The following RSPH10B2 variants were observed in gnomAD, a reference collection of about 807,000 sequenced individuals.
RSPH10B2 encodes the protein radial spoke head 10 homolog B2.
In RSPH10B2, 9 loss-of-function variants were observed where a neutral mutation model predicts 49.0. The observed-to-expected ratio is 0.18, with a 90% confidence interval of 0.11 to 0.32. The LOEUF (loss-of-function observed/expected upper bound fraction) is 0.32, where lower values mean the gene tolerates loss of function less well. Among genes scored for constraint, RSPH10B2 ranks in the 10% least tolerant of loss-of-function variants. RSPH10B2 has a pLI of 1.00. For missense variants in RSPH10B2, 95 were observed against 589.9 expected, an observed-to-expected ratio of 0.16 and a Z score of 8.69; for synonymous variants, 35 against 210.2, an observed-to-expected ratio of 0.17 and a Z score of 7.21.
intron 13 of RSPH10B2, among the ~76,000 whole-genome samples, chr7:6,784,796 G>A (rs1782081209): frequency 8.6e-6 from 1 of 116,754 alleles, no homozygotes; most frequent in South Asian, 3.7e-4. Flanking sequence ...TGGATCTCTT[G>A]ACCTCGTGAG....
At chr7:6,756,096 G>A (rs868514901), upstream of RSPH10B2, among the ~76,000 whole-genome samples, 174 of 150,186 alleles carry the variant, frequency 1.2e-3, 1 homozygote, top group East Asian at 3.3e-3. Context: ...GTGAAACCCC[G>A]TCTCTACTAA....
rs1233118034 is a variant in RSPH10B2 at position 6,790,153 on chromosome 7, TA to T, written c.2139+395del. 1.7e-4 allele frequency among the ~76,000 whole-genome samples: 17 copies of T among 97,392 alleles called. No homozygotes were observed. The South Asian group carries it at 9.0e-3, about 52-fold the overall frequency. 63.9% of individuals were successfully genotyped at this position (97,392 alleles called of 152,430 possible). A position where few individuals can be genotyped will look rare whatever the true frequency, so the allele number is the denominator to read the frequency against. On this transcript the variant is annotated intron_variant, in intron 16 of 18. Coordinates refer to ENST00000297186, the Ensembl canonical transcript of RSPH10B2. The stretch of plus-strand genomic sequence containing the variant: ...ACCGCAAGCTATGCTTCTTCCCACT[TA>T]CGAGGTCTAAGTGACAGGAAGGGCA...
intron 7 of RSPH10B2, among the ~76,000 whole-genome samples, chr7:6,769,400 C>T (rs1781556537): frequency 2.6e-5 from 1 of 39,002 alleles, no homozygotes; most frequent in East Asian, 3.5e-4. Context: ...GTAGAGTACA[C>T]ATGAGATTTC....
Position 6,787,051 on chromosome 7 carries a change from T to A in RSPH10B2, c.2010+30T>A, listed in dbSNP as rs200004084. Reference sequence around the variant, plus strand: ...CACATAATATCTTAGAATTAGGTAATCTTAGAATTACAGAGCAAGGAGGGC... The same window carrying A: ...CACATAATATCTTAGAATTAGGTAAACTTAGAATTACAGAGCAAGGAGGGC... On this transcript the variant is annotated intron_variant, in intron 15 of 18. Coordinates refer to ENST00000297186, the Ensembl canonical transcript of RSPH10B2. The A allele has an allele frequency of 2.2e-3, 1,350 of 604,660 alleles. 38 individuals carry two copies. The highest frequency in any genetic ancestry group is 3.2e-3 in the South Asian group (156 of 49,044). The allele number at this position is 604,660 out of a possible 1,614,324, so 37.5% of individuals were successfully genotyped here.
chr7:6,787,673 C>CT (rs1292117607), intron 15 of RSPH10B2, among the ~76,000 whole-genome samples: 756 of 25,104 alleles, frequency 0.03, 3 homozygotes, highest in Middle Eastern at 0.054. Context: ...CCAGCTAATT[C>CT]TTTTTTTTTT....
rs1364366189 is a variant in RSPH10B2, at chr7:6,786,444, T to C, written c.1866+388T>C. Among the ~76,000 whole-genome samples the C allele has an allele frequency of 2.7e-3, 303 of 114,290 alleles. 12 individuals carry two copies. Among genetic ancestry groups the C allele is most frequent in the African/African-American group, 0.011 (289 of 27,208 alleles). The allele number at this position is 114,290 out of a possible 152,430, so 75.0% of individuals were successfully genotyped here. ...CTCCTGACCTCGTGATCCACCTGCC[T>C]CGGCCTCCCAAAGTGCTGGGATTAC... On this transcript the variant is annotated intron_variant, in intron 14 of 18. Coordinates refer to ENST00000297186, the Ensembl canonical transcript of RSPH10B2.
chr7:6,785,784 C>CA (rs1301000743), intron 13 of RSPH10B2, among the ~76,000 whole-genome samples, 165 bp from the exon 16 acceptor site: 12 of 151,504 alleles, frequency 7.9e-5, no homozygotes, highest in Non-Finnish European at 1.6e-4. Context: ...GAGATTGCGC[C>CA]ACTGCCTAGC....
intron 13 of RSPH10B2, among the ~76,000 whole-genome samples, chr7:6,784,716 C>T (rs2115463833): frequency 7.6e-6 from 1 of 132,176 alleles, no homozygotes. Flanking sequence ...CAGGCACATG[C>T]CACCATGCCC....
At chr7:6,756,093 C>T (rs1485341964), upstream of RSPH10B2, among the ~76,000 whole-genome samples, 2 of 150,422 alleles carry the variant, frequency 1.3e-5, no homozygotes, top group East Asian at 1.9e-4. Flanking sequence ...CCGGTGAAAC[C>T]CCGTCTCTAC....
chr7:6,763,192 T>C (rs1408656152), intron 3 of RSPH10B2, among the ~76,000 whole-genome samples: 28 of 40,598 alleles, frequency 6.9e-4, no homozygotes, highest in Non-Finnish European at 8.4e-4. Flanking sequence ...TCTCAGCACT[T>C]TGGGAAGCCG....
intron 13 of RSPH10B2, among the ~76,000 whole-genome samples, chr7:6,781,783 G>A (rs1781942921): frequency 8.9e-6 from 1 of 112,228 alleles, no homozygotes; most frequent in African/African-American, 3.5e-5. Context: ...TTGAGAGGCC[G>A]AGGCGGGCGG....
At chr7:6,795,595 C>A (rs1287962366) in intron 17 of RSPH10B2, among the ~76,000 whole-genome samples, 5 of 121,596 alleles carry the variant, frequency 4.1e-5, no homozygotes, top group African/African-American at 1.5e-4. Context: ...CATAGCGAAA[C>A]CTTGTCTCTA....
chr7:6,793,846 A>T (rs1463583759), intron 17 of RSPH10B2, among the ~76,000 whole-genome samples: 1 of 150,388 alleles, frequency 6.6e-6, no homozygotes, highest in Non-Finnish European at 1.5e-5. Flanking sequence ...CATATCAAAA[A>T]AAAAAAAAGG....
At chr7:6,774,763 T>TTG (rs1296185545) in intron 9 of RSPH10B2, among the ~76,000 whole-genome samples, 1 of 148,824 alleles carries the variant, frequency 6.7e-6, no homozygotes, top group African/African-American at 2.5e-5. Context: ...TTGTTTTTTT[T>TTG]TTTTTCTTGT....
chr7:6,771,961 ACTG>A (rs1322630087), intron 8 of RSPH10B2, among the ~76,000 whole-genome samples: 3 of 148,012 alleles, frequency 2.0e-5, no homozygotes, highest in Non-Finnish European at 3.0e-5. Flanking sequence ...GTGAGCCCAG[ACTG>A]CACCATTGCA....
At chr7:6,794,108 T>C (rs1337588838) in intron 17 of RSPH10B2, 2 of 156,438 alleles carry the variant, frequency 1.3e-5, no homozygotes, top group African/African-American at 4.8e-5. Flanking sequence ...TGGGGGGCTG[T>C]GTACATGCTC....
chr7:6,764,207 CAGAAAGGGGGTGGGGT>C (rs1781361919), intron 4 of RSPH10B2, 106 bp downstream of exon 6: 1 of 165,116 alleles, frequency 6.1e-6, no homozygotes, highest in South Asian at 2.3e-4. Context: ...GTCGGGGGGG[CAGAAAGGGGGTGGGGT>C]GGCCATGTGG....
intron 13 of RSPH10B2, among the ~76,000 whole-genome samples, chr7:6,781,888 A>AAATG (rs1452395911): frequency 2.0e-5 from 2 of 100,904 alleles, no homozygotes; most frequent in Middle Eastern, 4.8e-3. Context: ...ATATATAAAT[A>AAATG]TATATATAAT....
chr7:6,753,130 T>G (rs1294150979), upstream of RSPH10B2: 4 of 231,212 alleles, frequency 1.7e-5, no homozygotes, highest in African/African-American at 8.8e-5. Context: ...GGTGGAGACC[T>G]TTCCCTGCTG....
Sources: gnomAD v4.1 joint callset for allele counts (sites outside exome capture counted in the v4.1 genomes callset) on GRCh38, gnomAD v4.1.1 for gene constraint, MANE v1.5 for transcripts, NCBI Gene and HGNC (gene_info 2026-07-23, HGNC 2026-07-21) for gene names.